BNC2: variants seen among roughly 807,000 people sequenced by gnomAD.
BNC2 encodes the protein zinc finger protein basonuclin-2.
Under a neutral mutation model 76.3 loss-of-function variants are expected in BNC2, and 20 were observed. The observed-to-expected ratio is 0.26, with a 90% CI of 0.18 to 0.38. The LOEUF (loss-of-function observed/expected upper bound fraction) is 0.38, where lower values mean the gene tolerates loss of function less well. BNC2 is among the 10% of genes least tolerant of loss of function. The pLI is 1.00. For missense variants in BNC2, 1,382 were observed against 1,399.8 expected (o/e 0.99, Z 0.20); for synonymous variants, 582 against 514.8 (o/e 1.13, Z -1.77).
In BNC2 at chr9:16,695,169, T is replaced by C. The variant is rs77206985; in HGVS notation, c.330+32628A>G. On this transcript the variant is annotated intron_variant, in intron 3 of 6. Transcript: ENST00000380672. ...AGTGGACAACAGAATGCTTTATAAA[T>C]GGTAAAATACATGAGAGTTTCTTTT... 3.0e-3 allele frequency among the ~76,000 whole-genome samples: 457 copies of C among 152,330 alleles called. 4 individuals are homozygous for C. The highest frequency in any genetic ancestry group is 0.011 in the African/African-American group (442 of 41,584).
At chr9:16,596,138 T>A (rs1310391303) in intron 3 of BNC2, among the ~76,000 whole-genome samples, 4 of 152,092 alleles carry the variant, frequency 2.6e-5, no homozygotes, top group African/African-American at 4.8e-5. Flanking sequence ...TTTCTACAAA[T>A]TAGTCAAAAG....
At chr9:16,446,397 T>G (rs1284784841) in intron 5 of BNC2, among the ~76,000 whole-genome samples, 1 of 152,134 alleles carries the variant, frequency 6.6e-6, no homozygotes, top group Non-Finnish European at 1.5e-5. Context: ...AGAAGCAACA[T>G]GATAATTTTA....
chr9:16,780,988 T>A (rs1258534162), intron 1 of BNC2, among the ~76,000 whole-genome samples: 6 of 152,020 alleles, frequency 3.9e-5, no homozygotes, highest in African/African-American at 1.4e-4. Context: ...AAATTCTCTA[T>A]AAGATATAAT....
intron 3 of BNC2, among the ~76,000 whole-genome samples, chr9:16,599,806 ATG>A (rs1820195684): frequency 6.6e-6 from 1 of 152,190 alleles, no homozygotes; most frequent in African/African-American, 2.4e-5. Context: ...ATATTAAGAT[ATG>A]CTTAATACTT....
intron 1 of BNC2, among the ~76,000 whole-genome samples, chr9:16,751,294 G>A (rs1362655112): frequency 6.7e-6 from 1 of 150,222 alleles, no homozygotes; most frequent in Non-Finnish European, 1.5e-5. Flanking sequence ...AGTATATTGT[G>A]AGCACTGGAG....
At chr9:16,843,662 A>G (rs1818890373) in intron 1 of BNC2, among the ~76,000 whole-genome samples, 1 of 152,240 alleles carries the variant, frequency 6.6e-6, no homozygotes, top group Non-Finnish European at 1.5e-5. Context: ...TTTTTTATAA[A>G]TGAAAAATCT....
At chr9:16,755,076 A>T (rs1040961049) in intron 1 of BNC2, among the ~76,000 whole-genome samples, 1 of 152,208 alleles carries the variant, frequency 6.6e-6, no homozygotes, top group Non-Finnish European at 1.5e-5. Flanking sequence ...AACCTGACAC[A>T]TTCCAGACCA....
chr9:16,742,728 T>TA (rs1276116213), intron 1 of BNC2, among the ~76,000 whole-genome samples: 1 of 152,170 alleles, frequency 6.6e-6, no homozygotes, highest in East Asian at 1.9e-4. Flanking sequence ...AAATACTTTA[T>TA]AAACAGGTCT....
chr9:16,844,093 C>A (rs778225278), intron 1 of BNC2, among the ~76,000 whole-genome samples: 46 of 151,762 alleles, frequency 3.0e-4, no homozygotes, highest in Non-Finnish European at 6.3e-4. Flanking sequence ...GTCACCATCT[C>A]TACAAAAATA....
intron 4 of BNC2, 22 bp from the exon 5 acceptor site, chr9:16,552,787 TC>T: frequency 6.3e-7 from 1 of 1,586,668 alleles, no homozygotes; most frequent in Non-Finnish European, 8.7e-7. Context: ...CCGCCAAAGT[TC>T]CAGAGATGGG....
At chr9:16,754,198 C>T (rs1236165418) in intron 1 of BNC2, among the ~76,000 whole-genome samples, 4 of 152,210 alleles carry the variant, frequency 2.6e-5, no homozygotes, top group Admixed American at 1.3e-4. Flanking sequence ...GCATCACTGC[C>T]TACCTTTTTA....
intron 4 of BNC2, among the ~76,000 whole-genome samples, chr9:16,563,534 A>G (rs1035495358): frequency 6.6e-6 from 1 of 152,246 alleles, no homozygotes; most frequent in South Asian, 2.1e-4. Flanking sequence ...AAATGACTAT[A>G]ACAATATCTG....
At chr9:16,606,923 A>G (rs1820403546) in intron 3 of BNC2, among the ~76,000 whole-genome samples, 2 of 152,122 alleles carry the variant, frequency 1.3e-5, no homozygotes, top group East Asian at 3.9e-4. Context: ...GCGGCCATCC[A>G]CATAATGTGT....
intron 3 of BNC2, among the ~76,000 whole-genome samples, chr9:16,725,407 A>G (rs930646668): frequency 3.3e-5 from 5 of 152,156 alleles, no homozygotes; most frequent in Non-Finnish European, 4.4e-5. Flanking sequence ...ATGCAAGCTC[A>G]TATCCTCTTT....
chr9:16,498,533 G>T (rs1822448800), intron 5 of BNC2, among the ~76,000 whole-genome samples: 1 of 150,940 alleles, frequency 6.6e-6, no homozygotes, highest in Non-Finnish European at 1.5e-5. Flanking sequence ...TGGGAGGGGG[G>T]TGAGGGATAA....
intron 4 of BNC2, among the ~76,000 whole-genome samples, chr9:16,581,583 C>T (rs912388426): frequency 4.6e-5 from 7 of 152,096 alleles, no homozygotes; most frequent in African/African-American, 1.7e-4. Flanking sequence ...AGAATGAAAC[C>T]AACCCTGCCA....
chr9:16,631,515 C>T (rs1376759195), intron 3 of BNC2, among the ~76,000 whole-genome samples: 1 of 152,174 alleles, frequency 6.6e-6, no homozygotes, highest in Non-Finnish European at 1.5e-5. Context: ...AATAACCATA[C>T]TCCTATAACA....
At chr9:16,513,567 G>A (rs1268228147) in intron 5 of BNC2, among the ~76,000 whole-genome samples, 1 of 152,164 alleles carries the variant, frequency 6.6e-6, no homozygotes, top group African/African-American at 2.4e-5. Flanking sequence ...GGCCTCCCAA[G>A]TGCTGGGATC....
At chr9:16,830,996 G>A (rs1226380601) in intron 1 of BNC2, among the ~76,000 whole-genome samples, 7 of 152,154 alleles carry the variant, frequency 4.6e-5, no homozygotes, top group South Asian at 4.1e-4. Flanking sequence ...ATTCATGGTC[G>A]TGGAAAATGT....
Sources: allele counts gnomAD v4.1 joint callset (sites outside exome capture counted in the v4.1 genomes callset), GRCh38; gene constraint gnomAD v4.1.1; transcripts MANE v1.5; gene names NCBI Gene and HGNC (gene_info 2026-07-23, HGNC 2026-07-21).